The following FRMD4A variants were observed in gnomAD, a reference collection of about 807,000 sequenced individuals.
FRMD4A encodes the protein FERM domain-containing protein 4A.
A neutral mutation model predicts 129.1 loss-of-function variants in FRMD4A; 29 were observed. The observed-to-expected ratio is 0.22, with a 90% confidence interval of 0.17 to 0.31. The LOEUF (loss-of-function observed/expected upper bound fraction) is 0.31, where lower values mean the gene tolerates loss of function less well. Among genes scored for constraint, FRMD4A ranks in the 10% least tolerant of loss-of-function variants. FRMD4A has a pLI of 1.00. For synonymous variants in FRMD4A, 634 were observed against 571.6 expected, an observed-to-expected ratio of 1.11 and a Z score of -1.56; for missense variants, 1,272 against 1,375.8, an observed-to-expected ratio of 0.92 and a Z score of 1.19.
chr10:14,241,768 C>T (rs973635691), intron 2 of FRMD4A, among the ~76,000 whole-genome samples: 3 of 117,040 alleles, frequency 2.6e-5, no homozygotes, highest in African/African-American at 9.8e-5. Context: ...ACAGACATTA[C>T]AAACATAAAA....
intron 2 of FRMD4A, among the ~76,000 whole-genome samples, chr10:13,988,264 C>G (rs117161844): frequency 0.044 from 6,763 of 152,302 alleles, 197 homozygotes; most frequent in Middle Eastern, 0.078. Context: ...CTGCTCAGGT[C>G]TGTAGGACTT....
At chr10:14,297,188 C>G (rs1846037882) in intron 2 of FRMD4A, among the ~76,000 whole-genome samples, 1 of 151,712 alleles carries the variant, frequency 6.6e-6, no homozygotes, top group Non-Finnish European at 1.5e-5. Context: ...AAGAACATGC[C>G]TATCACTCAG....
intron 2 of FRMD4A, among the ~76,000 whole-genome samples, chr10:13,945,929 C>G (rs1322349881): frequency 6.6e-6 from 1 of 152,200 alleles, no homozygotes; most frequent in Non-Finnish European, 1.5e-5. Flanking sequence ...TCAACTTCCT[C>G]TGGCTGCAAA....
chr10:14,164,478 C>T (rs1254075963), intron 2 of FRMD4A, among the ~76,000 whole-genome samples: 2 of 152,288 alleles, frequency 1.3e-5, no homozygotes, highest in African/African-American at 2.4e-5. Context: ...TCTCAGGATT[C>T]GCATGGTTAA....
At chr10:14,313,131 C>T (rs1455353166) in intron 2 of FRMD4A, among the ~76,000 whole-genome samples, 1 of 151,846 alleles carries the variant, frequency 6.6e-6, no homozygotes, top group Non-Finnish European at 1.5e-5. Flanking sequence ...CATGGTAGAA[C>T]CACTTGAGCC....
chr10:14,202,130 T>TC (rs770619848), intron 2 of FRMD4A, among the ~76,000 whole-genome samples: 25 of 92,622 alleles, frequency 2.7e-4, no homozygotes, highest in Non-Finnish European at 1.4e-4. Context: ...AGAGCAAGAA[T>TC]CCGTCTCAAG....
chr10:14,039,383 CATCCATCCATCCATCCATCCATCCATCT>C (rs1433197749), intron 2 of FRMD4A, among the ~76,000 whole-genome samples: 1 of 113,482 alleles, frequency 8.8e-6, no homozygotes, highest in Non-Finnish European at 1.8e-5. Context: ...TCCATCCATC[CATCCATCCATCCATCCATCCATCCATCT>C]ATCTATCTAT....
At chr10:13,842,274 G>T (rs181661080) in intron 3 of FRMD4A, among the ~76,000 whole-genome samples, 2 of 152,104 alleles carry the variant, frequency 1.3e-5, no homozygotes, top group African/African-American at 2.4e-5. Context: ...GTCCATACAC[G>T]TGGGTTTGCT....
intron 13 of FRMD4A, among the ~76,000 whole-genome samples, chr10:13,704,122 C>T (rs1459818883): frequency 3.9e-5 from 6 of 152,168 alleles, no homozygotes; most frequent in Non-Finnish European, 7.4e-5. Flanking sequence ...CTCATGAATA[C>T]GTGAAATAGT....
chr10:14,267,010 G>A (rs989088467), intron 2 of FRMD4A, among the ~76,000 whole-genome samples: 5 of 152,214 alleles, frequency 3.3e-5, no homozygotes, highest in East Asian at 1.9e-4. Context: ...CTAGTGCTGT[G>A]TAATGACAAA....
chr10:14,093,183 C>A (rs1041186080), intron 2 of FRMD4A, among the ~76,000 whole-genome samples: 18 of 152,162 alleles, frequency 1.2e-4, no homozygotes, highest in Non-Finnish European at 1.5e-5. Flanking sequence ...CACGGCTCAG[C>A]AGTTTCTGGA....
chr10:14,204,690 T>G (rs1842730657), intron 2 of FRMD4A, among the ~76,000 whole-genome samples: 2 of 152,120 alleles, frequency 1.3e-5, no homozygotes, highest in Non-Finnish European at 2.9e-5. Context: ...AATTCACTTA[T>G]TTCTCTAGGT....
chr10:13,979,342 G>A (rs80135905), intron 2 of FRMD4A, among the ~76,000 whole-genome samples: 1 of 152,134 alleles, frequency 6.6e-6, no homozygotes, highest in Non-Finnish European at 1.5e-5. Context: ...AAGGGCAGGT[G>A]GGCCTAGAGT....
chr10:14,264,752 T>C (rs910463400), intron 2 of FRMD4A, among the ~76,000 whole-genome samples: 1 of 152,154 alleles, frequency 6.6e-6, no homozygotes, highest in Non-Finnish European at 1.5e-5. Context: ...AACACTGTAA[T>C]CCATTAACAT....
rs574116124 is a variant in FRMD4A, at chr10:14,053,291, T to C, written c.46-194379A>G. Among the ~76,000 whole-genome samples the C allele has an allele frequency of 2.6e-5, 4 of 152,352 alleles. No individual in the cohort carries two copies. The East Asian group carries it at 7.7e-4, about 29-fold the overall frequency. On this transcript the variant is annotated intron_variant, in intron 2 of 24. Transcript: ENST00000357447. The stretch of plus-strand genomic sequence containing the variant: ...ATCCCTGATGGTGGAGCATGGCTGA[T>C]GTTCTGTGCAAAGGAGGGTGAGATC...
At chr10:13,986,840 C>G (rs1382952929) in intron 2 of FRMD4A, among the ~76,000 whole-genome samples, 2 of 152,010 alleles carry the variant, frequency 1.3e-5, no homozygotes, top group East Asian at 1.9e-4. Flanking sequence ...CTGTAGACCC[C>G]TAGATCACCA....
chr10:14,291,077 GAAGA>G (rs1564444318), intron 2 of FRMD4A, among the ~76,000 whole-genome samples: 1 of 152,084 alleles, frequency 6.6e-6, no homozygotes, highest in East Asian at 1.9e-4. Flanking sequence ...GTGATACTAT[GAAGA>G]AAGGGAAGAT....
At chr10:14,200,811 C>T (rs372401420) in intron 2 of FRMD4A, among the ~76,000 whole-genome samples, 49 of 152,232 alleles carry the variant, frequency 3.2e-4, no homozygotes, top group African/African-American at 1.0e-3. Flanking sequence ...TACAGGGAAG[C>T]GTGGCTCCAG....
At chr10:13,864,676 T>G (rs2094341695) in intron 2 of FRMD4A, among the ~76,000 whole-genome samples, 1 of 150,898 alleles carries the variant, frequency 6.6e-6, no homozygotes, top group Non-Finnish European at 1.5e-5. Flanking sequence ...CCTGAGTTCA[T>G]GCGATTCTCC....
Sources: gnomAD v4.1 joint callset for allele counts (sites outside exome capture counted in the v4.1 genomes callset) on GRCh38, gnomAD v4.1.1 for gene constraint, MANE v1.5 for transcripts, NCBI Gene and HGNC (gene_info 2026-07-23, HGNC 2026-07-21) for gene names.